The following KIAA0232 variants were observed in gnomAD, a reference collection of about 807,000 sequenced individuals.
The protein encoded by KIAA0232 is uncharacterized protein KIAA0232.
In KIAA0232, 27 loss-of-function variants were observed where a neutral mutation model predicts 122.0. The observed-to-expected ratio is 0.22, with a 90% confidence interval of 0.16 to 0.31. The LOEUF is 0.31. Among genes scored for constraint, KIAA0232 ranks in the 10% least tolerant of loss-of-function variants. KIAA0232 has a pLI of 1.00. For synonymous variants in KIAA0232, 613 were observed against 587.6 expected (o/e 1.04, Z -0.63); for missense variants, 1,551 against 1,634.2 (o/e 0.95, Z 0.88).
intron 3 of KIAA0232, among the ~76,000 whole-genome samples, chr4:6,825,696 C>T (rs559958065): frequency 2.6e-5 from 4 of 152,058 alleles, no homozygotes; most frequent in Non-Finnish European, 5.9e-5. Context: ...CCAGAGGGAA[C>T]CAGAGTCATC....
intron 7 of KIAA0232, among the ~76,000 whole-genome samples, chr4:6,866,527 A>G (rs1721190915): frequency 6.6e-6 from 1 of 152,214 alleles, no homozygotes; most frequent in South Asian, 2.1e-4. Context: ...CTGTTCTGTC[A>G]CATTGCTTGG....
intron 1 of KIAA0232, among the ~76,000 whole-genome samples, chr4:6,783,187 G>T (rs1560154695): frequency 6.6e-6 from 1 of 152,182 alleles, no homozygotes; most frequent in Non-Finnish European, 1.5e-5. Flanking sequence ...GATGGCTCCG[G>T]GGCCAGCCGA....
Position 6,853,486 on chromosome 4 carries a change from T to A in KIAA0232, c.370-3678T>A, listed in dbSNP as rs557325458. Reference sequence around the variant, plus strand: ...GGTAAATGATTTATGTAGGGTCATGTGGTTAACCCTGGGGTGAAATTTAGA... The same window carrying A: ...GGTAAATGATTTATGTAGGGTCATGAGGTTAACCCTGGGGTGAAATTTAGA... On this transcript the variant is annotated intron_variant, in intron 4 of 9. Coordinates refer to ENST00000307659, the MANE Select transcript of KIAA0232 (RefSeq NM_014743.3). Among the ~76,000 whole-genome samples the A allele has an allele frequency of 4.1e-4, 62 of 152,324 alleles. 1 individual carries two copies. The South Asian group carries it at 0.011, about 26-fold the overall frequency.
chr4:6,864,325 AC>A, intron 7 of KIAA0232, 142 bp downstream of exon 7: 5 of 906,900 alleles, frequency 5.5e-6, no homozygotes, highest in Non-Finnish European at 8.1e-6. Flanking sequence ...TTCTAATTTT[AC>A]ATGTAAGGAC....
chr4:6,823,124 C>G (rs1718501017), intron 2 of KIAA0232, among the ~76,000 whole-genome samples: 1 of 151,668 alleles, frequency 6.6e-6, no homozygotes, highest in Non-Finnish European at 1.5e-5. Context: ...TTTTTTATGG[C>G]TGCATAGTAT....
chr4:6,831,644 C>T (rs1455071285), intron 3 of KIAA0232, among the ~76,000 whole-genome samples: 1 of 152,178 alleles, frequency 6.6e-6, no homozygotes, highest in African/African-American at 2.4e-5. Context: ...ATCCCTGTAA[C>T]TATAGCCACA....
intron 2 of KIAA0232, among the ~76,000 whole-genome samples, chr4:6,809,536 A>G (rs1210575240): frequency 6.6e-6 from 1 of 152,222 alleles, no homozygotes; most frequent in Non-Finnish European, 1.5e-5. Flanking sequence ...GGATGAACAC[A>G]TAGTATGAGA....
intron 4 of KIAA0232, among the ~76,000 whole-genome samples, chr4:6,847,688 G>T (rs1193600507): frequency 6.6e-6 from 1 of 152,108 alleles, no homozygotes; most frequent in African/African-American, 2.4e-5. Context: ...TAGTAATGGG[G>T]TCTGTAAAGA....
rs1043073529 is a variant in KIAA0232 at position 6,821,627 on chromosome 4, TATACGTGTATATAG to T, written c.-269-2544_-269-2531del. Reference sequence around the variant, plus strand: ...ACATATATACACATATCTATATATATATACGTGTATATAGATACGTGTATATACGTGTATGTGTA... The same window carrying T: ...ACATATATACACATATCTATATATATATACGTGTATATACGTGTATGTGTA... On this transcript the variant is annotated intron_variant, in intron 2 of 9. Coordinates refer to ENST00000307659, the MANE Select transcript of KIAA0232 (RefSeq NM_014743.3). 2.2e-3 allele frequency among the ~76,000 whole-genome samples: 339 copies of T among 152,120 alleles called. 1 individual carries two copies. The highest frequency in any genetic ancestry group is 7.5e-3 in the African/African-American group (311 of 41,482).
At chr4:6,864,691 A>T (rs1045137621) in intron 7 of KIAA0232, among the ~76,000 whole-genome samples, 1 of 138,162 alleles carries the variant, frequency 7.2e-6, no homozygotes, top group African/African-American at 2.6e-5. Context: ...GTGAGCCGAG[A>T]TCGTGTTCTG....
intron 3 of KIAA0232, among the ~76,000 whole-genome samples, chr4:6,834,403 A>G (rs1273516485): frequency 6.6e-6 from 1 of 152,196 alleles, no homozygotes. Flanking sequence ...ATTGACAACT[A>G]TTGCTATTAT....
At chr4:6,849,396 A>G (rs1169894569) in intron 4 of KIAA0232, among the ~76,000 whole-genome samples, 4 of 152,216 alleles carry the variant, frequency 2.6e-5, no homozygotes, top group African/African-American at 7.2e-5. Flanking sequence ...CAGGCAGGTC[A>G]CTTGACGTCA....
chr4:6,862,560 A>G lies in KIAA0232; in HGVS notation c.2178A>G (p.Thr726=). 6.2e-7 allele frequency: 1 copy of G among 1,613,764 alleles called. No homozygotes were observed. Among genetic ancestry groups the G allele is most frequent in the Non-Finnish European group, 8.5e-7 (1 of 1,179,848 alleles). ...AAGAAACACGTTCAGACAATGAAAC[A>G]TTAAATATTCAGTTTGAAGAATCCA... The part of the protein sequence containing the change: ...HSEETRSDNE[T]LNIQFEESTQ... Residue 726 remains threonine (T), a synonymous_variant, in exon 7 of 10, where the codon ACA becomes ACG. Transcript: ENST00000307659.
chr4:6,827,054 C>G (rs1718724772), intron 3 of KIAA0232, among the ~76,000 whole-genome samples: 1 of 152,194 alleles, frequency 6.6e-6, no homozygotes, highest in Non-Finnish European at 1.5e-5. Context: ...GAAAACATAA[C>G]ATGTCTGGAG....
At chr4:6,816,899 C>T (rs185347209) in intron 2 of KIAA0232, among the ~76,000 whole-genome samples, 1 of 152,140 alleles carries the variant, frequency 6.6e-6, no homozygotes, top group East Asian at 1.9e-4. Context: ...TTCTAATATG[C>T]CTTATTCTCA....
chr4:6,800,686 A>G (rs1361588436), intron 1 of KIAA0232, among the ~76,000 whole-genome samples: 2 of 152,110 alleles, frequency 1.3e-5, no homozygotes, highest in African/African-American at 4.8e-5. Flanking sequence ...GTCTCAAAAA[A>G]AAAAAAGAAA....
Position 6,862,321 on chromosome 4 carries a change from T to A in KIAA0232, c.1939T>A (p.Cys647Ser), listed in dbSNP as rs192490554. 1,938 of 1,614,164 alleles carry A rather than the reference T, an allele frequency of 1.2e-3. 11 individuals carry two copies. Among genetic ancestry groups the A allele is most frequent in the Non-Finnish European group, 1.4e-3 (1,601 of 1,180,018 alleles). ...TAATGAAGGATCTGGTATAAACTCT[T>A]GTTTTTCAGTGTTTGAAGTGCAATG... ...DINEGSGINS[C>S]FSVFEVQCSN... Residue 647 changes from cysteine (C) to serine (S), a missense_variant, in exon 7 of 10, where the codon TGT becomes AGT. By Grantham distance (112) the Cys-to-Ser change is moderately radical (BLOSUM62 -1). This residue lies in a region of KIAA0232 where 1,108 missense variants were observed against 1,154.8 expected (regional missense o/e 0.96). Transcript: ENST00000307659.
chr4:6,844,561 G>A (rs745966933), intron 4 of KIAA0232, among the ~76,000 whole-genome samples: 1 of 151,868 alleles, frequency 6.6e-6, no homozygotes, highest in Non-Finnish European at 1.5e-5. Flanking sequence ...TCAGCCTCCC[G>A]AGTAGCTGGG....
chr4:6,875,586 G>A (rs974959111), intron 8 of KIAA0232, among the ~76,000 whole-genome samples: 2 of 152,184 alleles, frequency 1.3e-5, no homozygotes, highest in East Asian at 3.8e-4. Context: ...GTAGAAGGGC[G>A]CAGCAGTCAC....
Sources: gnomAD v4.1 joint callset for allele counts (sites outside exome capture counted in the v4.1 genomes callset) on GRCh38, gnomAD v4.1.1 for gene constraint, gnomAD v4.1.1 regional missense constraint, MANE v1.5 for transcripts, NCBI Gene and HGNC (gene_info 2026-07-23, HGNC 2026-07-21) for gene names.